SLC24A3: variants seen among roughly 807,000 people sequenced by gnomAD.
SLC24A3 encodes solute carrier family 24 member 3, also known as sodium/potassium/calcium exchanger 3.
SLC24A3 carries 28 observed loss-of-function variants against 75.8 expected under a neutral mutation model. The ratio of observed to expected loss-of-function variants is 0.37; its 90% CI spans 0.27 to 0.51. The LOEUF is 0.51. Among genes scored for constraint, SLC24A3 ranks in the 20% least tolerant of loss-of-function variants. The probability of loss-of-function intolerance (pLI) is 0.94; values close to 1 mark genes in which losing one functional copy is unlikely to be tolerated. For missense variants in SLC24A3, 663 were observed against 847.8 expected (o/e 0.78, Z 2.71); for synonymous variants, 372 against 334.1 (o/e 1.11, Z -1.24).
chr20:19,496,272 G>A (rs6046143), intron 2 of SLC24A3, among the ~76,000 whole-genome samples: 7 of 151,990 alleles, frequency 4.6e-5, no homozygotes, highest in African/African-American at 9.7e-5. Flanking sequence ...AGCAAGGCCC[G>A]ATAGGCATGC....
intron 3 of SLC24A3, among the ~76,000 whole-genome samples, chr20:19,561,097 G>C (rs2030868559): frequency 6.6e-6 from 1 of 152,072 alleles, no homozygotes; most frequent in Non-Finnish European, 1.5e-5. Flanking sequence ...TTCCTTGTTT[G>C]GACCTCTGAC....
intron 2 of SLC24A3, among the ~76,000 whole-genome samples, chr20:19,436,178 T>C (rs1332203317): frequency 2.0e-5 from 3 of 152,230 alleles, no homozygotes; most frequent in African/African-American, 7.2e-5. Flanking sequence ...TCATATCCTA[T>C]ACTAATATAA....
intron 3 of SLC24A3, among the ~76,000 whole-genome samples, chr20:19,535,764 G>A (rs2122581115): frequency 6.6e-6 from 1 of 152,192 alleles, no homozygotes; most frequent in Middle Eastern, 3.4e-3. Context: ...TAGGGTACTG[G>A]GAGGGTGTCT....
chr20:19,306,186 A>G (rs568264240), intron 2 of SLC24A3, among the ~76,000 whole-genome samples: 1 of 152,362 alleles, frequency 6.6e-6, no homozygotes, highest in Admixed American at 6.5e-5. Context: ...ATCATCTCAC[A>G]TCAGTCAGAA....
chr20:19,303,742 G>T (rs1984255385), intron 2 of SLC24A3, among the ~76,000 whole-genome samples: 1 of 152,202 alleles, frequency 6.6e-6, no homozygotes, highest in African/African-American at 2.4e-5. Context: ...GCAAAAGGAA[G>T]TCACCTCGTG....
At chr20:19,273,676 A>G (rs940836742) in intron 1 of SLC24A3, among the ~76,000 whole-genome samples, 2 of 151,934 alleles carry the variant, frequency 1.3e-5, no homozygotes, top group Admixed American at 6.5e-5. Flanking sequence ...GGAGGTGCCA[A>G]TGCTGCTCCT....
At chr20:19,305,012 T>A (rs1401680806) in intron 2 of SLC24A3, among the ~76,000 whole-genome samples, 1 of 152,196 alleles carries the variant, frequency 6.6e-6, no homozygotes, top group African/African-American at 2.4e-5. Context: ...CTTGGACTTT[T>A]TGCTCACATC....
chr20:19,360,163 G>C (rs1047012085), intron 2 of SLC24A3, among the ~76,000 whole-genome samples: 1 of 152,236 alleles, frequency 6.6e-6, no homozygotes, highest in Non-Finnish European at 1.5e-5. Context: ...ATATTGCCCA[G>C]AAATGATCAG....
intron 1 of SLC24A3, among the ~76,000 whole-genome samples, chr20:19,251,739 T>C (rs947734991): frequency 6.6e-6 from 1 of 152,142 alleles, no homozygotes; most frequent in African/African-American, 2.4e-5. Context: ...CCTCTCAGTT[T>C]GTCTGTGCTG....
rs2033114392 is a variant in SLC24A3, at chr20:19,722,483, T to C, written c.*1343T>C. 1 of 152,672 alleles carries C rather than the reference T, an allele frequency of 6.5e-6. No individual in the cohort carries two copies. Among genetic ancestry groups the C allele is most frequent in the African/African-American group, 2.4e-5 (1 of 41,474 alleles). 9.5% of individuals were successfully genotyped at this position (152,672 alleles called of 1,614,324 possible). On this transcript the variant is annotated 3_prime_UTR_variant, in exon 17 of 17. Transcript: ENST00000328041. ...GCCAATCACTGCTCAACAGCCCTGCTAGATTTTGTATGATGCTGAATTATT... is the reference window on the plus strand; with the variant it reads ...GCCAATCACTGCTCAACAGCCCTGCCAGATTTTGTATGATGCTGAATTATT...
At chr20:19,556,749 C>A (rs1001564411) in intron 3 of SLC24A3, among the ~76,000 whole-genome samples, 12 of 152,064 alleles carry the variant, frequency 7.9e-5, no homozygotes, top group African/African-American at 1.4e-4. Flanking sequence ...TCTCTTAATG[C>A]ACAGACAGGA....
chr20:19,673,495 C>A, intron 8 of SLC24A3, 106 bp from the exon 9 acceptor site: 3 of 935,826 alleles, frequency 3.2e-6, no homozygotes, highest in Non-Finnish European at 5.2e-6. Context: ...CGTCTGCCTT[C>A]TCCTTACTAT....
chr20:19,370,546 T>C (rs1483320019), intron 2 of SLC24A3, among the ~76,000 whole-genome samples: 1 of 152,246 alleles, frequency 6.6e-6, no homozygotes, highest in Admixed American at 6.5e-5. Context: ...GTCCGTGGAT[T>C]GGAGTATCCA....
chr20:19,523,798 C>T (rs144436549), intron 3 of SLC24A3, among the ~76,000 whole-genome samples: 3 of 152,348 alleles, frequency 2.0e-5, no homozygotes, highest in South Asian at 2.1e-4. Context: ...GGATGAAGCT[C>T]TTGGCAGAGT....
At chr20:19,393,388 G>C (rs1600462096) in intron 2 of SLC24A3, among the ~76,000 whole-genome samples, 1 of 151,932 alleles carries the variant, frequency 6.6e-6, no homozygotes, top group Non-Finnish European at 1.5e-5. Flanking sequence ...AGAGCAATTA[G>C]GCAAGAAAAA....
intron 2 of SLC24A3, among the ~76,000 whole-genome samples, chr20:19,444,310 A>G (rs1987345533): frequency 6.6e-6 from 1 of 152,064 alleles, no homozygotes; most frequent in Non-Finnish European, 1.5e-5. Context: ...CATGTAATTT[A>G]TCTGGTTTGG....
chr20:19,697,331 C>A lies in SLC24A3; in HGVS notation c.1606+420C>A, dbSNP rs112426445. 15 of 201,718 alleles carry A rather than the reference C, an allele frequency of 7.4e-5. 1 individual carries two copies. The highest frequency in any genetic ancestry group is 3.4e-4 in the African/African-American group (15 of 43,966). 12.5% of individuals were successfully genotyped at this position (201,718 alleles called of 1,614,324 possible). On this transcript the variant is annotated intron_variant, in intron 14 of 16. Transcript: ENST00000328041. Reference sequence around the variant, plus strand: ...AGTAGGAAATGTACTGACAGCTAACCTTTACTGAGTAAAACATGATAGATG... The same window carrying A: ...AGTAGGAAATGTACTGACAGCTAACATTTACTGAGTAAAACATGATAGATG...
intron 1 of SLC24A3, among the ~76,000 whole-genome samples, chr20:19,273,465 G>A (rs1283393382): frequency 6.6e-6 from 1 of 152,210 alleles, no homozygotes; most frequent in Non-Finnish European, 1.5e-5. Context: ...TGTGCCGCCA[G>A]CCCAGCCACT....
intron 2 of SLC24A3, among the ~76,000 whole-genome samples, chr20:19,365,628 A>T (rs940599984): frequency 1.6e-4 from 25 of 152,194 alleles, no homozygotes; most frequent in Non-Finnish European, 3.1e-4. Context: ...TAGATCAATA[A>T]AAAATGATAA....
Sources: gnomAD v4.1 joint callset for allele counts (sites outside exome capture counted in the v4.1 genomes callset) on GRCh38, gnomAD v4.1.1 for gene constraint, MANE v1.5 for transcripts, NCBI Gene and HGNC (gene_info 2026-07-23, HGNC 2026-07-21) for gene names.